HYDIN: variants seen among roughly 807,000 people sequenced by gnomAD.
The protein encoded by HYDIN is axonemal central pair apparatus protein HYDIN.
Under a neutral mutation model 403.9 loss-of-function variants are expected in HYDIN, and 132 were observed. The ratio of observed to expected loss-of-function variants is 0.33; its 90% CI spans 0.28 to 0.38. The LOEUF (loss-of-function observed/expected upper bound fraction) is 0.38, where lower values mean the gene tolerates loss of function less well. Ranked by LOEUF, HYDIN falls within the 10% of genes least tolerant of loss-of-function variation. HYDIN has a pLI of 1.00. For synonymous variants in HYDIN, 1,202 were observed against 1,891.7 expected, an observed-to-expected ratio of 0.64 and a Z score of 9.46; for missense variants, 2,827 against 5,009.5, an observed-to-expected ratio of 0.56 and a Z score of 13.15.
intron 62 of HYDIN, among the ~76,000 whole-genome samples, chr16:70,878,169 A>C (rs2040561209): frequency 1.3e-5 from 2 of 151,952 alleles, no homozygotes; most frequent in South Asian, 4.2e-4. Context: ...TAAGTCTCAC[A>C]AGATCTGATG....
chr16:71,031,379 C>A, intron 19 of HYDIN: 1 of 1,154,712 alleles, frequency 8.7e-7, no homozygotes, highest in African/African-American at 1.6e-5. Flanking sequence ...GGAGAAATTA[C>A]GGTTGAGAGT....
intron 38 of HYDIN, 53 bp downstream of exon 38, chr16:70,961,906 T>A: frequency 9.9e-7 from 1 of 1,012,980 alleles, no homozygotes. Context: ...AATATTGTCT[T>A]CCTATTTCTG....
intron 39 of HYDIN, among the ~76,000 whole-genome samples, chr16:70,955,826 T>TC (rs904397017): frequency 5.3e-5 from 8 of 152,220 alleles, no homozygotes; most frequent in Middle Eastern, 3.4e-3. Context: ...ATTCTTTTTT[T>TC]CTTTTTTTTT....
intron 18 of HYDIN, among the ~76,000 whole-genome samples, chr16:71,050,103 A>G (rs972272696): frequency 2.0e-4 from 30 of 146,794 alleles, no homozygotes; most frequent in East Asian, 9.9e-4. Context: ...GAGAAGAAAC[A>G]TTTGAAGAGA....
At chr16:71,214,286 A>T (rs1255429685) in intron 1 of HYDIN, among the ~76,000 whole-genome samples, 1 of 152,162 alleles carries the variant, frequency 6.6e-6, no homozygotes, top group Non-Finnish European at 1.5e-5. Flanking sequence ...AAAATTCAGT[A>T]TTGTAAAAGA....
chr16:70,881,491 C>T (rs1228619707), intron 60 of HYDIN, among the ~76,000 whole-genome samples: 1 of 144,972 alleles, frequency 6.9e-6, no homozygotes, highest in Non-Finnish European at 1.5e-5. Context: ...GCCTGTAGTC[C>T]CAGCTACTTG....
Position 71,155,000 on chromosome 16 carries a change from C to T in HYDIN, c.717-2217G>A, listed in dbSNP as rs113057332. On this transcript the variant is annotated intron_variant, in intron 6 of 85. Transcript: ENST00000393567. ...GTGTTTATTATTCTTTTTGTTATGG[C>T]TATTTTTATCTCCCTCACTGGCAGC... Among the ~76,000 whole-genome samples the T allele has an allele frequency of 1.8e-3, 263 of 147,154 alleles. 5 individuals are homozygous for T. The highest frequency in any genetic ancestry group is 6.4e-3 in the African/African-American group (248 of 38,768).
At chr16:71,053,865 T>C (rs7194352) in intron 18 of HYDIN, among the ~76,000 whole-genome samples, 25,437 of 139,762 alleles carry the variant, frequency 0.18, no homozygotes, top group African/African-American at 0.25. Context: ...GTATATCTCT[T>C]GATTTTTTTC....
At chr16:70,999,458 T>C (rs1222836256) in intron 23 of HYDIN, among the ~76,000 whole-genome samples, 1 of 152,146 alleles carries the variant, frequency 6.6e-6, no homozygotes, top group African/African-American at 2.4e-5. Context: ...ACTGCCTAAT[T>C]TAATCTTCAC....
intron 1 of HYDIN, among the ~76,000 whole-genome samples, chr16:71,227,174 T>TATATGA (rs2144776879): frequency 6.6e-6 from 1 of 152,092 alleles, no homozygotes; most frequent in Admixed American, 6.5e-5. Context: ...TATATATATA[T>TATATGA]ATATGAATGA....
At chr16:71,172,752 C>T (rs1033014992) in intron 5 of HYDIN, among the ~76,000 whole-genome samples, 1 of 152,160 alleles carries the variant, frequency 6.6e-6, no homozygotes, top group Admixed American at 6.5e-5. Flanking sequence ...CTGCAATTTA[C>T]ATATCTTACC....
At chr16:71,175,504 C>T (rs1019591081) in intron 5 of HYDIN, 103 bp downstream of exon 5, 40 of 1,194,568 alleles carry the variant, frequency 3.3e-5, no homozygotes, top group Non-Finnish European at 4.7e-5. Flanking sequence ...ATACCACCAC[C>T]ACCACCACCA....
intron 1 of HYDIN, among the ~76,000 whole-genome samples, chr16:71,221,369 T>G (rs2089192057): frequency 6.6e-6 from 1 of 152,154 alleles, no homozygotes; most frequent in African/African-American, 2.4e-5. Flanking sequence ...TGATTTTTAC[T>G]TTAAAATAAG....
At chr16:70,978,854 T>G in intron 30 of HYDIN, 60 bp downstream of exon 30, 1 of 1,384,498 alleles carries the variant, frequency 7.2e-7, no homozygotes, top group Non-Finnish European at 1.0e-6. Flanking sequence ...ACAACTCCTA[T>G]GCACTCTGCA....
At chr16:71,177,109 G>A (rs1456328893) in intron 4 of HYDIN, among the ~76,000 whole-genome samples, 1 of 152,114 alleles carries the variant, frequency 6.6e-6, no homozygotes, top group Non-Finnish European at 1.5e-5. Flanking sequence ...CTTTCCATGT[G>A]GCCAGCACTC....
At chr16:71,118,825 G>A (rs2084149024) in intron 9 of HYDIN, among the ~76,000 whole-genome samples, 1 of 152,170 alleles carries the variant, frequency 6.6e-6, no homozygotes, top group Admixed American at 6.5e-5. Flanking sequence ...TAGCCAATCA[G>A]TGGTGTATCA....
Position 71,230,595 on chromosome 16 carries a change from C to T in HYDIN, c.-57G>A. The T allele has an allele frequency of 1.0e-5, 16 of 1,536,020 alleles. No individual in the cohort carries two copies. Among genetic ancestry groups the T allele is most frequent in the East Asian group, 4.9e-5 (2 of 40,902 alleles). On this transcript the variant is annotated 5_prime_UTR_variant, in exon 1 of 86. Coordinates refer to ENST00000393567, the MANE Select transcript of HYDIN (RefSeq NM_001270974.2). ...ACTCCGGGTCCCACGTTTATTCTAC[C>T]TCCATTCCCCGCCAAGACCCCGCGT...
rs767375464 is a variant in HYDIN, at chr16:70,904,518, T to TTTTTTTTTTTTTTTTTTTTTTTTTG, written c.8517-455_8517-454insCAAAAAAAAAAAAAAAAAAAAAAAA. Among the ~76,000 whole-genome samples, 53 of 37,014 alleles carry TTTTTTTTTTTTTTTTTTTTTTTTTG rather than the reference T, an allele frequency of 1.4e-3. 19 individuals are homozygous for TTTTTTTTTTTTTTTTTTTTTTTTTG. Among genetic ancestry groups the TTTTTTTTTTTTTTTTTTTTTTTTTG allele is most frequent in the Non-Finnish European group, 2.2e-3 (43 of 19,126 alleles). 24.3% of individuals were successfully genotyped at this position (37,014 alleles called of 152,430 possible). ...TTTTTTTTTTTTTTTTTTTTTTTTT[T>TTTTTTTTTTTTTTTTTTTTTTTTTG]TGAGGGAGTTTCGTTCTTGTTGCCC... On this transcript the variant is annotated intron_variant, in intron 50 of 85. Coordinates refer to ENST00000393567, the MANE Select transcript of HYDIN (RefSeq NM_001270974.2).
At chr16:71,108,579 A>G (rs1184153311) in intron 10 of HYDIN, among the ~76,000 whole-genome samples, 1 of 152,130 alleles carries the variant, frequency 6.6e-6, no homozygotes, top group Non-Finnish European at 1.5e-5. Flanking sequence ...TCACAAACTT[A>G]GTGGCTTACT....
Sources: gnomAD v4.1 joint callset for allele counts (sites outside exome capture counted in the v4.1 genomes callset) on GRCh38, gnomAD v4.1.1 for gene constraint, MANE v1.5 for transcripts, NCBI Gene and HGNC (gene_info 2026-07-23, HGNC 2026-07-21) for gene names.